PDE1C: variants seen among roughly 807,000 people sequenced by gnomAD.
The protein encoded by PDE1C is dual specificity calcium/calmodulin-dependent 3',5'-cyclic nucleotide phosphodiesterase 1C.
In PDE1C, 62 loss-of-function variants were observed where a neutral mutation model predicts 93.1. The observed-to-expected ratio is 0.67, with a 90% CI of 0.54 to 0.82. The LOEUF (loss-of-function observed/expected upper bound fraction) is 0.82, where lower values mean the gene tolerates loss of function less well. Among genes scored for constraint, PDE1C ranks in the 40% least tolerant of loss-of-function variants. The probability of loss-of-function intolerance (pLI) is 0.00; values close to 1 mark genes in which losing one functional copy is unlikely to be tolerated. For synonymous variants in PDE1C, 325 were observed against 310.1 expected (o/e 1.05, Z -0.50); for missense variants, 742 against 884.6 (o/e 0.84, Z 2.04).
At chr7:32,310,535 A>G in intron 1 of PDE1C, among the ~76,000 whole-genome samples, 1 of 152,248 alleles carries the variant, frequency 6.6e-6, no homozygotes, top group Non-Finnish European at 1.5e-5. Flanking sequence ...AAAAGAACAG[A>G]AATTATAACA....
chr7:32,114,365 A>G (rs954941077), intron 3 of PDE1C, among the ~76,000 whole-genome samples: 1 of 152,194 alleles, frequency 6.6e-6, no homozygotes, highest in African/African-American at 2.4e-5. Flanking sequence ...AAAACAAGCA[A>G]TGGGGAAAGG....
intron 3 of PDE1C, among the ~76,000 whole-genome samples, chr7:32,147,976 ATTTATGC>A: frequency 8.7e-6 from 1 of 115,358 alleles, no homozygotes. Flanking sequence ...CTCTCAACCC[ATTTATGC>A]TAAAAAAAAA....
chr7:32,331,027 G>T (rs144026307), intron 1 of PDE1C, among the ~76,000 whole-genome samples: 137 of 150,510 alleles, frequency 9.1e-4, no homozygotes, highest in Non-Finnish European at 1.7e-3. Flanking sequence ...CCAAACCCTG[G>T]GCAAGAGGCA....
At chr7:31,815,419 T>C (rs1343205256) in intron 15 of PDE1C, among the ~76,000 whole-genome samples, 1 of 152,096 alleles carries the variant, frequency 6.6e-6, no homozygotes, top group Non-Finnish European at 1.5e-5. Flanking sequence ...AGCTCTTCTG[T>C]TTTTAAAACA....
chr7:31,837,668 T>TA lies in PDE1C; in HGVS notation c.1082+201dup, dbSNP rs533022232. 2.6e-5 allele frequency among the ~76,000 whole-genome samples: 4 copies of TA among 152,366 alleles called. No homozygotes were observed. In the South Asian group the frequency reaches 8.3e-4, roughly 32 times the overall value. ...CACTGGGGACAACTGATGCTGCCTC[T>TA]ATTATTTCTTTCAACCCTGATGAGA... On this transcript the variant is annotated intron_variant, in intron 10 of 17. Coordinates refer to ENST00000396191, the MANE Select transcript of PDE1C (RefSeq NM_001191057.4).
At chr7:31,616,903 T>G in the PDE1C span, among the ~76,000 whole-genome samples, 1 of 152,204 alleles carries the variant, frequency 6.6e-6, no homozygotes, top group African/African-American at 2.4e-5. Flanking sequence ...CTTTTTGCCT[T>G]CTTGGTGGTT....
intron 14 of PDE1C, among the ~76,000 whole-genome samples, chr7:31,822,769 AACG>A (rs1335039296): frequency 6.6e-6 from 1 of 152,160 alleles, no homozygotes; most frequent in African/African-American, 2.4e-5. Flanking sequence ...ATCAAGTGAA[AACG>A]ACAAGATGTT....
intron 1 of PDE1C, among the ~76,000 whole-genome samples, chr7:32,414,155 G>T (rs1458489986): frequency 6.6e-6 from 1 of 151,550 alleles, no homozygotes; most frequent in Non-Finnish European, 1.5e-5. Flanking sequence ...TGAGGCTGCA[G>T]TGAGCTCTGA....
rs1434071287 is a variant in PDE1C, at chr7:31,825,030, T to C, written c.1286-43A>G. On this transcript the variant is annotated intron_variant, in intron 12 of 17. Transcript: ENST00000396191. Reference sequence around the variant, plus strand: ...TGCTTCAGAGGAACCACATATTACCTTGGGCCTTTCCATACTTTCCAGAAG... The same window carrying C: ...TGCTTCAGAGGAACCACATATTACCCTGGGCCTTTCCATACTTTCCAGAAG... The C allele has an allele frequency of 3.1e-6, 5 of 1,608,876 alleles. No individual in the cohort carries two copies. The African/African-American group carries it at 6.7e-5, about 22-fold the overall frequency.
chr7:31,881,737 G>A (rs1229381039), intron 2 of PDE1C, among the ~76,000 whole-genome samples: 1 of 152,172 alleles, frequency 6.6e-6, no homozygotes, highest in Non-Finnish European at 1.5e-5. Context: ...GGTAAGTTAT[G>A]TAACATCTTT....
intron 2 of PDE1C, among the ~76,000 whole-genome samples, chr7:31,907,298 T>C (rs1800722569): frequency 6.6e-6 from 1 of 152,142 alleles, no homozygotes; most frequent in African/African-American, 2.4e-5. Context: ...CCTGCCTAGG[T>C]AAGATCAACT....
chr7:31,887,361 C>T (rs539666296), intron 2 of PDE1C, among the ~76,000 whole-genome samples: 3 of 152,016 alleles, frequency 2.0e-5, no homozygotes, highest in Non-Finnish European at 4.4e-5. Flanking sequence ...TTTGTTAATG[C>T]TATAAATAAA....
intron 1 of PDE1C, among the ~76,000 whole-genome samples, chr7:32,324,393 G>A (rs933387212): frequency 6.6e-6 from 1 of 152,126 alleles, no homozygotes; most frequent in Non-Finnish European, 1.5e-5. Context: ...TTCCCAGTCG[G>A]AGGACCCCAC....
At chr7:31,645,073 G>C in the PDE1C span, among the ~76,000 whole-genome samples, 1 of 152,214 alleles carries the variant, frequency 6.6e-6, no homozygotes, top group African/African-American at 2.4e-5. Flanking sequence ...AACTAGAACT[G>C]AGAGAGTTTA....
upstream of PDE1C, among the ~76,000 whole-genome samples, chr7:32,301,885 G>T (rs73314413): frequency 6.6e-6 from 1 of 152,140 alleles, no homozygotes; most frequent in Non-Finnish European, 1.5e-5. Flanking sequence ...TTTTTGTGGC[G>T]TCTGCAAGCT....
At chr7:31,763,661 G>A (rs970546871) in intron 17 of PDE1C, among the ~76,000 whole-genome samples, 23 of 152,328 alleles carry the variant, frequency 1.5e-4, no homozygotes, top group Non-Finnish European at 2.8e-4. Flanking sequence ...GTACCCATGT[G>A]CCATTGCACA....
At chr7:32,058,223 C>T (rs1794359767) in intron 1 of PDE1C, among the ~76,000 whole-genome samples, 1 of 152,206 alleles carries the variant, frequency 6.6e-6, no homozygotes, top group Non-Finnish European at 1.5e-5. Context: ...CAAGTCCTAT[C>T]CTGTCTCCAT....
At chr7:32,093,294 C>G (rs766263130) in intron 3 of PDE1C, among the ~76,000 whole-genome samples, 21 of 152,146 alleles carry the variant, frequency 1.4e-4, no homozygotes, top group Non-Finnish European at 3.1e-4. Flanking sequence ...CCCCATTTTC[C>G]CAAACATTCA....
chr7:32,274,388 C>T (rs4723141), intron 1 of PDE1C, among the ~76,000 whole-genome samples: 142,765 of 144,902 alleles, frequency 0.99, 70,351 homozygotes, highest in South Asian at 1. Flanking sequence ...TTTTTTTTTT[C>T]TTAAGAAATA....
Sources: gnomAD v4.1 joint callset for allele counts (sites outside exome capture counted in the v4.1 genomes callset) on GRCh38, gnomAD v4.1.1 for gene constraint, MANE v1.5 for transcripts, NCBI Gene and HGNC (gene_info 2026-07-23, HGNC 2026-07-21) for gene names.